The following ITIH5 variants were observed in gnomAD, a reference collection of about 807,000 sequenced individuals.
ITIH5 encodes the protein inter-alpha-trypsin inhibitor heavy chain H5.
In ITIH5, 65 loss-of-function variants were observed where a neutral mutation model predicts 77.5. That is an observed-to-expected ratio of 0.84 (90% confidence interval 0.69 to 1.03). The LOEUF is 1.03. ITIH5 is among the 50% of genes least tolerant of loss of function. The pLI is 0.00. For synonymous variants in ITIH5, 525 were observed against 494.3 expected (o/e 1.06, Z -0.82); for missense variants, 1,208 against 1,213.1 (o/e 1.00, Z 0.06).
intron 13 of ITIH5, among the ~76,000 whole-genome samples, chr10:7,564,151 G>A (rs1163222740): frequency 6.6e-6 from 1 of 152,248 alleles, no homozygotes; most frequent in Non-Finnish European, 1.5e-5. Flanking sequence ...CTTGCTGAGA[G>A]CAAAGGAACT....
At chr10:7,644,348 A>ATATATAT (rs1564277120) in intron 2 of ITIH5, among the ~76,000 whole-genome samples, 19 of 146,646 alleles carry the variant, frequency 1.3e-4, no homozygotes, top group Admixed American at 9.6e-4. Context: ...CACATATATC[A>ATATATAT]CATATATATC....
At chr10:7,584,493 T>TG (rs1303864224) in intron 8 of ITIH5, among the ~76,000 whole-genome samples, 2 of 151,812 alleles carry the variant, frequency 1.3e-5, no homozygotes, top group African/African-American at 4.8e-5. Flanking sequence ...TTAGTAGAGA[T>TG]GGGGTTTCGC....
rs1445501854 is a variant in ITIH5 at position 7,641,862 on chromosome 10, AC to A, written c.299+64del. 1.0e-5 allele frequency: 14 copies of A among 1,396,948 alleles called. No individual in the cohort carries two copies. In the African/African-American group the frequency reaches 1.1e-4, roughly 11 times the overall value. 86.5% of individuals were successfully genotyped at this position (1,396,948 alleles called of 1,614,324 possible). A position where few individuals can be genotyped will look rare whatever the true frequency, so the allele number is the denominator to read the frequency against. ...TCACAGTCACAAGGCTGTGGACCTC[AC>A]ATCTCAGGCTCAACCTGACCACCCT... On this transcript the variant is annotated intron_variant, in intron 3 of 13. Transcript: ENST00000397146.
chr10:7,610,053 CTTTT>C (rs1219450706), intron 7 of ITIH5, among the ~76,000 whole-genome samples: 1 of 138,076 alleles, frequency 7.2e-6, no homozygotes, highest in Non-Finnish European at 1.5e-5. Context: ...CCCTCCCTTT[CTTTT>C]TTTTCTTTTT....
intron 5 of ITIH5, among the ~76,000 whole-genome samples, chr10:7,631,077 G>A (rs113607636): frequency 6.6e-6 from 1 of 151,884 alleles, no homozygotes; most frequent in Non-Finnish European, 1.5e-5. Flanking sequence ...AAAGTGGCGG[G>A]AACTACAGCG....
intron 5 of ITIH5, among the ~76,000 whole-genome samples, chr10:7,631,566 A>G (rs1013838771): frequency 4.6e-5 from 7 of 152,322 alleles, no homozygotes; most frequent in Admixed American, 3.3e-4. Flanking sequence ...GCACCGGCCC[A>G]CTGAGCTTGG....
At chr10:7,567,587 TG>T (rs1832215617) in intron 12 of ITIH5, among the ~76,000 whole-genome samples, 4 of 151,376 alleles carry the variant, frequency 2.6e-5, no homozygotes, top group Non-Finnish European at 5.9e-5. Flanking sequence ...GAACATGCGG[TG>T]TTTGGTTTTC....
At chr10:7,633,631 A>C (rs1002347478) in intron 5 of ITIH5, among the ~76,000 whole-genome samples, 1 of 152,124 alleles carries the variant, frequency 6.6e-6, no homozygotes, top group Non-Finnish European at 1.5e-5. Context: ...TGTTTTAGTA[A>C]GTAAGGTTTC....
intron 7 of ITIH5, among the ~76,000 whole-genome samples, chr10:7,597,321 C>A (rs572816799): frequency 6.6e-6 from 1 of 152,124 alleles, no homozygotes; most frequent in Admixed American, 6.5e-5. Flanking sequence ...GTCCTCAGTG[C>A]CCCTTGGTGG....
intron 7 of ITIH5, among the ~76,000 whole-genome samples, chr10:7,608,582 C>T (rs9633770): frequency 0.97 from 147,331 of 152,264 alleles, 71,407 homozygotes; most frequent in Middle Eastern, 1. Context: ...CATACCTGGC[C>T]TGGATCCTCT....
chr10:7,648,309 T>G (rs1834039217), intron 2 of ITIH5, among the ~76,000 whole-genome samples: 1 of 152,104 alleles, frequency 6.6e-6, no homozygotes, highest in Non-Finnish European at 1.5e-5. Flanking sequence ...GATTATTGTT[T>G]GATAACCAAT....
chr10:7,643,675 T>C (rs1833923227), intron 2 of ITIH5, among the ~76,000 whole-genome samples: 1 of 152,208 alleles, frequency 6.6e-6, no homozygotes, highest in Non-Finnish European at 1.5e-5. Flanking sequence ...GCAATGTTTA[T>C]TTCAGCCCTC....
chr10:7,600,559 C>T (rs188169774), intron 7 of ITIH5: 29 of 456,708 alleles, frequency 6.3e-5, no homozygotes, highest in African/African-American at 4.0e-4. Context: ...TCCAGTTACA[C>T]GTGCACCTAG....
intron 5 of ITIH5, among the ~76,000 whole-genome samples, chr10:7,626,032 C>G (rs1833572990): frequency 6.6e-6 from 1 of 152,166 alleles, no homozygotes; most frequent in Non-Finnish European, 1.5e-5. Flanking sequence ...GGCAGATGGA[C>G]AGAGCAGCCC....
chr10:7,632,205 G>A (rs1375450830), intron 5 of ITIH5, among the ~76,000 whole-genome samples: 1 of 152,122 alleles, frequency 6.6e-6, no homozygotes, highest in Non-Finnish European at 1.5e-5. Context: ...AACCTTTACT[G>A]AGCATCTGAA....
At chr10:7,641,832 A>G (rs1231130064) in intron 3 of ITIH5, 95 bp downstream of exon 3, 11 of 978,402 alleles carry the variant, frequency 1.1e-5, no homozygotes, top group Non-Finnish European at 1.7e-5. Context: ...CTGGAATATA[A>G]ATCCTCACAG....
At chr10:7,631,479 T>G (rs542012430) in intron 5 of ITIH5, among the ~76,000 whole-genome samples, 31 of 149,624 alleles carry the variant, frequency 2.1e-4, no homozygotes, top group Non-Finnish European at 3.7e-4. Context: ...ACACCAAATG[T>G]CCTGAACAAT....
intron 1 of ITIH5, among the ~76,000 whole-genome samples, chr10:7,659,419 A>T (rs1006911833): frequency 1.3e-5 from 2 of 152,060 alleles, no homozygotes; most frequent in Admixed American, 1.3e-4. Flanking sequence ...TTAATTAAAT[A>T]AAATAAAATG....
In ITIH5 at chr10:7,645,613, C is replaced by A. The variant is rs117737081; in HGVS notation, c.136-3523G>T. Among the ~76,000 whole-genome samples the A allele has an allele frequency of 8.9e-4, 135 of 152,310 alleles. 3 individuals carry two copies. In the East Asian group the frequency reaches 0.024, roughly 28 times the overall value. On this transcript the variant is annotated intron_variant, in intron 2 of 13. Transcript: ENST00000397146. ...CCAAAATTACATCCACATCTGTGATCCACAGATTTACGGCAAAGCTAAAAC... is the reference window on the plus strand; with the variant it reads ...CCAAAATTACATCCACATCTGTGATACACAGATTTACGGCAAAGCTAAAAC...
Sources: gnomAD v4.1 joint callset for allele counts (sites outside exome capture counted in the v4.1 genomes callset) on GRCh38, gnomAD v4.1.1 for gene constraint, MANE v1.5 for transcripts, NCBI Gene and HGNC (gene_info 2026-07-23, HGNC 2026-07-21) for gene names.